The following AFF4 variants were observed in gnomAD, a reference collection of about 807,000 sequenced individuals.
The protein encoded by AFF4 is ALF transcription elongation factor 4.
AFF4 carries 13 observed loss-of-function variants against 124.8 expected under a neutral mutation model. The observed-to-expected ratio is 0.10, with a 90% CI of 0.07 to 0.17. AFF4 has a LOEUF of 0.17. Ranked by LOEUF, AFF4 falls within the 10% of genes least tolerant of loss-of-function variation. AFF4 has a pLI of 1.00. For missense variants in AFF4, 1,092 were observed against 1,403.8 expected, an observed-to-expected ratio of 0.78 and a Z score of 3.55; for synonymous variants, 477 against 496.1, an observed-to-expected ratio of 0.96 and a Z score of 0.51.
Position 132,932,265 on chromosome 5 carries a change from T to G in AFF4, c.919-43A>C, listed in dbSNP as rs763077032. The G allele has an allele frequency of 2.0e-5, 31 of 1,532,680 alleles. 1 individual carries two copies. The African/African-American group carries it at 2.8e-4, about 14-fold the overall frequency. 94.9% of individuals were successfully genotyped at this position (1,532,680 alleles called of 1,614,324 possible). On this transcript the variant is annotated intron_variant, in intron 3 of 20. Transcript: ENST00000265343. ...CACACATTAGATTTTTATCAGTAGA[T>G]TTTTAGTATTTGCTTCACAGATTTA...
At chr5:132,915,372 C>T (rs1743781389) in intron 5 of AFF4, among the ~76,000 whole-genome samples, 1 of 151,686 alleles carries the variant, frequency 6.6e-6, no homozygotes, top group Non-Finnish European at 1.5e-5. Flanking sequence ...AATACCATTT[C>T]TATACACACT....
At position 132,918,893 on chromosome 5, in the gene AFF4, T is replaced by G. The variant is rs1436392511; in HGVS notation, c.1050+8228A>C. 1.3e-3 allele frequency among the ~76,000 whole-genome samples: 190 copies of G among 151,536 alleles called. 1 individual carries two copies. The highest frequency in any genetic ancestry group is 3.3e-3 in the South Asian group (16 of 4,802). ...TGACAAGGTGTTGTTTGTTTGTTTT[T>G]TTTTTTTTTTGAGACAGAGTCTTGC... On this transcript the variant is annotated intron_variant, in intron 5 of 20. Transcript: ENST00000265343.
chr5:132,890,312 T>C (rs1357944099), intron 13 of AFF4, among the ~76,000 whole-genome samples: 3 of 152,068 alleles, frequency 2.0e-5, no homozygotes, highest in South Asian at 2.1e-4. Context: ...CTCTGTCGCC[T>C]AGGTTGGAGT....
intron 4 of AFF4, among the ~76,000 whole-genome samples, chr5:132,928,918 G>A (rs1482294008): frequency 2.0e-5 from 3 of 152,030 alleles, no homozygotes; most frequent in African/African-American, 7.2e-5. Context: ...TTCACTTCCT[G>A]AAATAATATT....
At chr5:132,941,356 CAG>C (rs1761564956) in intron 1 of AFF4, among the ~76,000 whole-genome samples, 1 of 151,988 alleles carries the variant, frequency 6.6e-6, no homozygotes, top group Non-Finnish European at 1.5e-5. Flanking sequence ...TTTTTTGAGA[CAG>C]TGTCTCACTC....
chr5:132,887,504 G>C lies in AFF4; in HGVS notation c.3005+17C>G, dbSNP rs763821757. 7.5e-6 allele frequency: 12 copies of C among 1,608,078 alleles called. No homozygotes were observed. Among genetic ancestry groups the C allele is most frequent in the Non-Finnish European group, 8.5e-6 (10 of 1,174,626 alleles). ...AACTTCCTGTATCTAGCAGAGGCTAGAACACAGAAAACTCACCAAAGTACT... is the reference window on the plus strand; with the variant it reads ...AACTTCCTGTATCTAGCAGAGGCTACAACACAGAAAACTCACCAAAGTACT... On this transcript the variant is annotated intron_variant, in intron 17 of 20. Transcript: ENST00000265343.
At chr5:132,904,493 G>C (rs894690042) in intron 5 of AFF4, 89 bp from the exon 6 acceptor site, 2 of 1,141,982 alleles carry the variant, frequency 1.8e-6, no homozygotes, top group African/African-American at 3.2e-5. Flanking sequence ...AACACTTCAA[G>C]TACTTGAAAA....
intron 2 of AFF4, 60 bp downstream of exon 2, chr5:132,937,007 A>AT: frequency 6.4e-7 from 1 of 1,551,982 alleles, no homozygotes; most frequent in South Asian, 1.2e-5. Flanking sequence ...AGTGTGAAAC[A>AT]TTTTAAAAGC....
intron 1 of AFF4, among the ~76,000 whole-genome samples, chr5:132,955,014 T>C (rs77126706): frequency 0.02 from 3,071 of 152,140 alleles, 84 homozygotes; most frequent in African/African-American, 0.055. Flanking sequence ...AATGCAGAGA[T>C]TGTATTGAGT....
intron 13 of AFF4, among the ~76,000 whole-genome samples, chr5:132,890,454 G>A (rs890874529): frequency 6.6e-6 from 1 of 151,930 alleles, no homozygotes; most frequent in South Asian, 2.1e-4. Flanking sequence ...TTTATAAATA[G>A]ACCCATAAGG....
intron 5 of AFF4, among the ~76,000 whole-genome samples, chr5:132,907,216 A>G (rs913788169): frequency 3.9e-5 from 6 of 152,050 alleles, no homozygotes; most frequent in African/African-American, 1.4e-4. Context: ...TCCTAGCTCT[A>G]GTTTATCTCC....
intron 4 of AFF4, among the ~76,000 whole-genome samples, chr5:132,928,988 T>C (rs1761242323): frequency 6.6e-6 from 1 of 152,200 alleles, no homozygotes; most frequent in South Asian, 2.1e-4. Context: ...CATAACATTA[T>C]GACCACTGTA....
chr5:132,956,067 C>CA (rs1045631491), intron 1 of AFF4, among the ~76,000 whole-genome samples: 167 of 151,576 alleles, frequency 1.1e-3, no homozygotes, highest in African/African-American at 4.0e-3. Context: ...ATTCTACAAA[C>CA]AAAAAACCCT....
chr5:132,883,318 G>A, intron 20 of AFF4, 22 bp downstream of exon 20: 1 of 1,607,222 alleles, frequency 6.2e-7, no homozygotes, highest in Non-Finnish European at 8.5e-7. Context: ...ATCCCTTGAA[G>A]TTTATCCAGA....
chr5:132,910,283 C>T (rs1239218403), intron 5 of AFF4, among the ~76,000 whole-genome samples: 4 of 152,208 alleles, frequency 2.6e-5, no homozygotes, highest in Middle Eastern at 6.8e-3. Context: ...TATACTAAAC[C>T]AGCTCCCCAA....
rs573765227 is a variant in AFF4 at position 132,904,859 on chromosome 5, G to T, written c.1051-455C>A. On this transcript the variant is annotated intron_variant, in intron 5 of 20. Coordinates refer to ENST00000265343, the MANE Select transcript of AFF4 (RefSeq NM_014423.4). ...AGGTCAGGAGATCAAGACCATCCTG[G>T]CCAACATGGTGAAACCCCGTCTCTA... 6.6e-5 allele frequency among the ~76,000 whole-genome samples: 10 copies of T among 152,042 alleles called. No homozygotes were observed. In the East Asian group the frequency reaches 1.7e-3, roughly 26 times the overall value.
In AFF4 at chr5:132,879,460, T is replaced by TA. The variant is rs1462787563; in HGVS notation, c.*1598dup. 1 of 203,690 alleles carries TA rather than the reference T, an allele frequency of 4.9e-6. No individual in the cohort carries two copies. Among genetic ancestry groups the TA allele is most frequent in the Admixed American group, 6.0e-5 (1 of 16,722 alleles). 12.6% of individuals were successfully genotyped at this position (203,690 alleles called of 1,614,324 possible). ...ACCCAACTGGTTAGACTAAGTCATGTACCAAAGCAATAGCTTTTCTGAAAG... is the reference window on the plus strand; with the variant it reads ...ACCCAACTGGTTAGACTAAGTCATGTAACCAAAGCAATAGCTTTTCTGAAAG... On this transcript the variant is annotated 3_prime_UTR_variant, in exon 21 of 21. Transcript: ENST00000265343.
rs540551910 is a variant in AFF4 at position 132,888,671 on chromosome 5, G to A, written c.2732+408C>T. Among the ~76,000 whole-genome samples the A allele has an allele frequency of 8.8e-4, 134 of 152,092 alleles. 1 individual carries two copies. Among genetic ancestry groups the A allele is most frequent in the African/African-American group, 2.9e-3 (122 of 41,500 alleles). The stretch of plus-strand genomic sequence containing the variant: ...AACCTGAATATTCTGCAGATCATAC[G>A]TAAGTATATATCCTTCTGATCAATG... On this transcript the variant is annotated intron_variant, in intron 14 of 20. Transcript: ENST00000265343.
chr5:132,912,057 A>G (rs1760802627), intron 5 of AFF4, among the ~76,000 whole-genome samples: 1 of 151,750 alleles, frequency 6.6e-6, no homozygotes. Context: ...AGTCCTCCAG[A>G]TAATAGTAAA....
Sources: allele counts gnomAD v4.1 joint callset (sites outside exome capture counted in the v4.1 genomes callset), GRCh38; gene constraint gnomAD v4.1.1; transcripts MANE v1.5; gene names NCBI Gene and HGNC (gene_info 2026-07-23, HGNC 2026-07-21).